NTN1: variants seen among roughly 807,000 people sequenced by gnomAD.
NTN1 encodes the protein netrin-1.
In NTN1, 11 loss-of-function variants were observed where a neutral mutation model predicts 54.2. That is an observed-to-expected ratio of 0.20 (90% CI 0.13 to 0.34). The LOEUF (loss-of-function observed/expected upper bound fraction) is 0.34, where lower values mean the gene tolerates loss of function less well. NTN1 is among the 10% of genes least tolerant of loss of function. The pLI, the probability that NTN1 is intolerant of heterozygous loss-of-function variation, is 1.00. For missense variants in NTN1, 740 were observed against 893.1 expected (o/e 0.83, Z 2.18); for synonymous variants, 371 against 382.0 (o/e 0.97, Z 0.33).
intron 4 of NTN1, among the ~76,000 whole-genome samples, chr17:9,181,030 C>T (rs2092417680): frequency 6.6e-6 from 1 of 152,146 alleles, no homozygotes; most frequent in South Asian, 2.1e-4. Context: ...TCAGGTTGCT[C>T]AGAAATGGTT....
chr17:9,226,835 T>C (rs1905580714), intron 6 of NTN1, among the ~76,000 whole-genome samples: 1 of 151,980 alleles, frequency 6.6e-6, no homozygotes, highest in African/African-American at 2.4e-5. Context: ...GTGGGGCAGC[T>C]CAGATACAGG....
chr17:9,186,476 A>G (rs980627092), intron 5 of NTN1, among the ~76,000 whole-genome samples: 6 of 152,218 alleles, frequency 3.9e-5, no homozygotes, highest in African/African-American at 9.6e-5. Context: ...CCACCTCCCA[A>G]CAGGGATCCC....
the NTN1 span, among the ~76,000 whole-genome samples, chr17:9,006,697 C>A: frequency 2.0e-5 from 3 of 152,196 alleles, no homozygotes; most frequent in African/African-American, 7.2e-5. Context: ...ATGCTATGCC[C>A]AGATATGGCC....
At chr17:9,125,318 C>T (rs1231259042) in intron 2 of NTN1, among the ~76,000 whole-genome samples, 1 of 152,038 alleles carries the variant, frequency 6.6e-6, no homozygotes, top group Non-Finnish European at 1.5e-5. Context: ...CCTCCGCCTC[C>T]CGGGTTCAAG....
At position 9,163,477 on chromosome 17, in the gene NTN1, A is replaced by AACAC. The variant is rs55765967; in HGVS notation, c.1207+517_1207+520dup. Among the ~76,000 whole-genome samples, 745 of 142,700 alleles carry AACAC rather than the reference A, an allele frequency of 5.2e-3. 5 individuals are homozygous for AACAC. The highest frequency in any genetic ancestry group is 0.026 in the East Asian group (126 of 4,818). 93.6% of individuals were successfully genotyped at this position (142,700 alleles called of 152,430 possible). On this transcript the variant is annotated intron_variant, in intron 3 of 6. Coordinates refer to ENST00000173229, the MANE Select transcript of NTN1 (RefSeq NM_004822.3). ...CGCACCGCCCCTCACTCCCCCCCGA[A>AACAC]ACACACACACACACACACACACACA...
At chr17:9,093,430 A>G (rs1037575303) in intron 2 of NTN1, among the ~76,000 whole-genome samples, 5 of 152,180 alleles carry the variant, frequency 3.3e-5, no homozygotes, top group African/African-American at 1.2e-4. Context: ...TGGCACGATC[A>G]CAGTTCACTG....
intron 2 of NTN1, among the ~76,000 whole-genome samples, chr17:9,144,271 A>G (rs960169112): frequency 2.0e-5 from 3 of 151,858 alleles, no homozygotes; most frequent in African/African-American, 7.3e-5. Flanking sequence ...CCATGTGTCC[A>G]GCATCTAGTA....
Position 9,182,983 on chromosome 17 carries a change from T to C in NTN1, c.1411+14T>C. ...AGGAGCCTGAAGGTAAACGGCCCCC[T>C]TCGCTTCTCATTTCCCGCTTTTGCT... On this transcript the variant is annotated intron_variant, in intron 5 of 6. Transcript: ENST00000173229. 6.2e-7 allele frequency: 1 copy of C among 1,613,834 alleles called. No homozygotes were observed.
chr17:9,159,602 C>A (rs1042788845), intron 2 of NTN1, among the ~76,000 whole-genome samples: 1 of 152,024 alleles, frequency 6.6e-6, no homozygotes, highest in Non-Finnish European at 1.5e-5. Flanking sequence ...GAGTTTGAGA[C>A]CAGTCTGGCC....
At chr17:9,142,698 T>C (rs2092301798) in intron 2 of NTN1, among the ~76,000 whole-genome samples, 1 of 152,158 alleles carries the variant, frequency 6.6e-6, no homozygotes, top group Non-Finnish European at 1.5e-5. Context: ...GGCATGTCTC[T>C]AGGCCCTGGG....
the NTN1 span, among the ~76,000 whole-genome samples, chr17:9,011,997 C>A: frequency 6.6e-6 from 1 of 152,132 alleles, no homozygotes; most frequent in Non-Finnish European, 1.5e-5. Context: ...TTGTGCCAGG[C>A]AGTCTGTTAA....
chr17:9,033,935 GAAAAA>G (rs58775564), intron 2 of NTN1, among the ~76,000 whole-genome samples: 12 of 128,060 alleles, frequency 9.4e-5, no homozygotes, highest in Non-Finnish European at 2.0e-4. Flanking sequence ...AAAAAAAAAA[GAAAAA>G]GAAAAGAAAG....
At chr17:9,161,396 C>T (rs956874101) in intron 2 of NTN1, among the ~76,000 whole-genome samples, 5 of 152,094 alleles carry the variant, frequency 3.3e-5, no homozygotes, top group East Asian at 1.9e-4. Flanking sequence ...GGCTGAAGGA[C>T]GAGACAGGAC....
the NTN1 span, among the ~76,000 whole-genome samples, chr17:9,015,575 G>A: frequency 7.7e-4 from 117 of 152,116 alleles, 2 homozygotes; most frequent in African/African-American, 2.6e-3. Flanking sequence ...CCCCGTTCCT[G>A]GAGTGTACCC....
chr17:9,223,318 A>G (rs2017039), intron 6 of NTN1, among the ~76,000 whole-genome samples: 96,495 of 152,020 alleles, frequency 0.63, 30,789 homozygotes, highest in African/African-American at 0.71. Flanking sequence ...TTGGGAGGCC[A>G]AGGTGGGCAG....
chr17:9,092,824 T>G (rs1375147123), intron 2 of NTN1, among the ~76,000 whole-genome samples: 1 of 151,908 alleles, frequency 6.6e-6, no homozygotes, highest in Non-Finnish European at 1.5e-5. Flanking sequence ...AATGGTGCAA[T>G]CTCAGCTCAC....
chr17:9,094,924 G>A (rs12951242), intron 2 of NTN1, among the ~76,000 whole-genome samples: 230 of 149,336 alleles, frequency 1.5e-3, no homozygotes, highest in African/African-American at 5.2e-3. Context: ...AGGAGGCAGA[G>A]GTTGCAGTGA....
chr17:9,231,144 C>T (rs973342354), intron 6 of NTN1, among the ~76,000 whole-genome samples: 4 of 152,296 alleles, frequency 2.6e-5, no homozygotes, highest in South Asian at 4.2e-4. Context: ...CTGGCTCTCC[C>T]CTGGGATGAG....
Position 9,212,944 on chromosome 17 carries a change from G to A in NTN1, c.1412-8224G>A, listed in dbSNP as rs1236839202. On this transcript the variant is annotated intron_variant, in intron 5 of 6. Coordinates refer to ENST00000173229, the MANE Select transcript of NTN1 (RefSeq NM_004822.3). This position sits in a 1 kb window ranked among gnomAD's most constrained non-coding sequence, Gnocchi z 5.5. ...TATGCTCAGAGATGAGCCTCGATCCGGCGAGCAGGCCGGCTCAGCAGGATT... is the reference window on the plus strand; with the variant it reads ...TATGCTCAGAGATGAGCCTCGATCCAGCGAGCAGGCCGGCTCAGCAGGATT... Among the ~76,000 whole-genome samples the A allele has an allele frequency of 2.0e-5, 3 of 152,232 alleles. No individual in the cohort carries two copies. Among genetic ancestry groups the A allele is most frequent in the South Asian group, 2.1e-4 (1 of 4,828 alleles).
Sources: gnomAD v4.1 joint callset for allele counts (sites outside exome capture counted in the v4.1 genomes callset) on GRCh38, gnomAD v4.1.1 for gene constraint, Gnocchi (gnomAD v3.1) non-coding constraint, MANE v1.5 for transcripts, NCBI Gene and HGNC (gene_info 2026-07-23, HGNC 2026-07-21) for gene names.